The following DOCK1 variants were observed in gnomAD, a reference collection of about 807,000 sequenced individuals.
DOCK1 encodes dedicator of cytokinesis 1.
In DOCK1, 138 loss-of-function variants were observed where a neutral mutation model predicts 262.7. That is an observed-to-expected ratio of 0.53 (90% CI 0.46 to 0.61). DOCK1 has a LOEUF of 0.61. Among genes scored for constraint, DOCK1 ranks in the 20% least tolerant of loss-of-function variants. The pLI is 0.00. For missense variants in DOCK1, 1,908 were observed against 2,370.7 expected, an observed-to-expected ratio of 0.80 and a Z score of 4.05; for synonymous variants, 866 against 867.4, an observed-to-expected ratio of 1.00 and a Z score of 0.03.
intron 1 of DOCK1, among the ~76,000 whole-genome samples, chr10:126,945,071 TTG>T (rs1259625699): frequency 6.6e-6 from 1 of 152,016 alleles, no homozygotes; most frequent in Non-Finnish European, 1.5e-5. Context: ...ACTCCTGACT[TTG>T]TGATCCGCCT....
chr10:127,448,096 T>C (rs963921839), intron 51 of DOCK1, among the ~76,000 whole-genome samples: 2 of 152,150 alleles, frequency 1.3e-5, no homozygotes, highest in Non-Finnish European at 2.9e-5. Flanking sequence ...CAGCCAGGTT[T>C]GGCTCCTGGG....
At chr10:127,185,649 C>A (rs2056163366) in intron 27 of DOCK1, among the ~76,000 whole-genome samples, 1 of 152,092 alleles carries the variant, frequency 6.6e-6, no homozygotes, top group African/African-American at 2.4e-5. Context: ...TAGAACCTGG[C>A]TGTATAATGA....
intron 27 of DOCK1, among the ~76,000 whole-genome samples, chr10:127,188,712 G>A (rs1033620386): frequency 1.3e-5 from 2 of 152,208 alleles, no homozygotes; most frequent in African/African-American, 4.8e-5. Flanking sequence ...CTGGGCAAGT[G>A]ATCTAACCTG....
chr10:127,009,226 A>G (rs2041249662), intron 11 of DOCK1, among the ~76,000 whole-genome samples: 1 of 152,244 alleles, frequency 6.6e-6, no homozygotes, highest in Non-Finnish European at 1.5e-5. Flanking sequence ...GCGAGAAATA[A>G]TGCTTTAAAG....
chr10:127,199,698 C>T (rs116387564), intron 27 of DOCK1, among the ~76,000 whole-genome samples: 187 of 152,220 alleles, frequency 1.2e-3, no homozygotes, highest in African/African-American at 4.3e-3. Context: ...ACTCGTTGCC[C>T]GGGACCACAG....
At chr10:127,394,952 C>G (rs1198890498) in intron 38 of DOCK1, among the ~76,000 whole-genome samples, 2 of 152,180 alleles carry the variant, frequency 1.3e-5, no homozygotes, top group African/African-American at 4.8e-5. Context: ...GTGATGCCTT[C>G]TTTTGGAGAG....
In DOCK1 at chr10:127,248,129, T is replaced by G; in HGVS notation, c.2949+20T>G. On this transcript the variant is annotated intron_variant, in intron 28 of 51. Coordinates refer to ENST00000623213, the MANE Select transcript of DOCK1 (RefSeq NM_001290223.2). The stretch of plus-strand genomic sequence containing the variant: ...GTGGTAGTAAGTGTCCCTTTCACCC[T>G]GTTCACATAACCATGTTTTAGGGCC... 1 of 1,605,290 alleles carries G rather than the reference T, an allele frequency of 6.2e-7. No homozygotes were observed. Among genetic ancestry groups the G allele is most frequent in the Non-Finnish European group, 8.5e-7 (1 of 1,172,772 alleles).
intron 27 of DOCK1, among the ~76,000 whole-genome samples, chr10:127,182,605 G>A (rs1564879608): frequency 1.3e-5 from 2 of 152,248 alleles, no homozygotes; most frequent in East Asian, 3.9e-4. Flanking sequence ...AAAATCAACT[G>A]GAAAATATGC....
chr10:127,403,765 C>CA (rs879709332), intron 39 of DOCK1, among the ~76,000 whole-genome samples: 30 of 152,106 alleles, frequency 2.0e-4, no homozygotes, highest in East Asian at 5.8e-4. Context: ...TCTCAAAAAA[C>CA]AAAAAAACCT....
chr10:127,419,002 C>T (rs2068333776), intron 45 of DOCK1, among the ~76,000 whole-genome samples: 1 of 152,184 alleles, frequency 6.6e-6, no homozygotes, highest in Admixed American at 6.5e-5. Context: ...CTAGACCACC[C>T]CTGCCTGTGT....
At chr10:127,404,926 G>T (rs1175517381) in intron 40 of DOCK1, among the ~76,000 whole-genome samples, 1 of 152,186 alleles carries the variant, frequency 6.6e-6, no homozygotes, top group African/African-American at 2.4e-5. Flanking sequence ...TAGGGACCTT[G>T]TATTAGTGGA....
At chr10:127,351,882 C>A (rs2063896848) in intron 31 of DOCK1, among the ~76,000 whole-genome samples, 1 of 152,032 alleles carries the variant, frequency 6.6e-6, no homozygotes, top group Non-Finnish European at 1.5e-5. Context: ...GGACCTCCAG[C>A]CGGCCCTTCC....
chr10:127,392,953 A>G (rs2066578190), intron 38 of DOCK1, among the ~76,000 whole-genome samples: 2 of 152,230 alleles, frequency 1.3e-5, no homozygotes. Flanking sequence ...TATGTTAAAA[A>G]TAACAATCTT....
intron 12 of DOCK1, among the ~76,000 whole-genome samples, chr10:127,013,147 TG>T (rs1184731006): frequency 4.6e-5 from 7 of 152,234 alleles, no homozygotes; most frequent in African/African-American, 1.7e-4. Context: ...GCCTGAAGAA[TG>T]TTTTAGAGAA....
At chr10:127,108,307 G>T (rs900576442) in intron 24 of DOCK1, among the ~76,000 whole-genome samples, 1 of 151,982 alleles carries the variant, frequency 6.6e-6, no homozygotes, top group Non-Finnish European at 1.5e-5. Flanking sequence ...CCATTTTTTG[G>T]TTAGGCATGG....
intron 27 of DOCK1, among the ~76,000 whole-genome samples, chr10:127,184,216 T>C (rs576356377): frequency 7.8e-4 from 119 of 152,296 alleles, no homozygotes; most frequent in Admixed American, 2.0e-3. Flanking sequence ...TTGGTTTGCA[T>C]TGGGGTCACG....
chr10:127,098,855 C>T (rs552872070), intron 23 of DOCK1, among the ~76,000 whole-genome samples: 1 of 152,264 alleles, frequency 6.6e-6, no homozygotes, highest in South Asian at 2.1e-4. Flanking sequence ...GAGCTGTTTC[C>T]ACTCGAAAGA....
intron 32 of DOCK1, among the ~76,000 whole-genome samples, chr10:127,361,256 G>A (rs895328186): frequency 2.0e-5 from 3 of 151,684 alleles, no homozygotes; most frequent in African/African-American, 7.3e-5. Flanking sequence ...TGGGACTACA[G>A]GCGCCCGCTA....
chr10:127,101,058 A>G (rs2048211927), intron 23 of DOCK1, among the ~76,000 whole-genome samples: 2 of 152,108 alleles, frequency 1.3e-5, no homozygotes, highest in Admixed American at 1.3e-4. Flanking sequence ...TTGAGCAGAC[A>G]GCAGGGGAAG....
Sources: allele counts gnomAD v4.1 joint callset (sites outside exome capture counted in the v4.1 genomes callset), GRCh38; gene constraint gnomAD v4.1.1; transcripts MANE v1.5; gene names NCBI Gene and HGNC (gene_info 2026-07-23, HGNC 2026-07-21).